The following TBX15 variants were observed in gnomAD, a reference collection of about 807,000 sequenced individuals.
The protein encoded by TBX15 is T-box transcription factor TBX15.
TBX15 carries 18 observed loss-of-function variants against 53.9 expected under a neutral mutation model. The ratio of observed to expected loss-of-function variants is 0.33; its 90% confidence interval spans 0.23 to 0.49. The LOEUF (loss-of-function observed/expected upper bound fraction) is 0.49. Among genes scored for constraint, TBX15 ranks in the 20% least tolerant of loss-of-function variants. The probability of loss-of-function intolerance (pLI) is 0.98; values close to 1 mark genes in which losing one functional copy is unlikely to be tolerated. For synonymous variants in TBX15, 295 were observed against 278.0 expected, an observed-to-expected ratio of 1.06 and a Z score of -0.61; for missense variants, 692 against 749.5, an observed-to-expected ratio of 0.92 and a Z score of 0.90.
chr1:118,966,267 C>T (rs889947285), intron 1 of TBX15, among the ~76,000 whole-genome samples: 3 of 152,176 alleles, frequency 2.0e-5, no homozygotes, highest in Non-Finnish European at 1.5e-5. Context: ...GGCCCATGAA[C>T]AGAAGAAGAT....
chr1:118,908,336 T>G (rs1277524953), intron 6 of TBX15, among the ~76,000 whole-genome samples: 1 of 150,950 alleles, frequency 6.6e-6, no homozygotes, highest in Non-Finnish European at 1.5e-5. Context: ...GGAGCTTATA[T>G]TCTAGTAGGG....
intron 6 of TBX15, among the ~76,000 whole-genome samples, chr1:118,901,235 T>C (rs1395838221): frequency 6.6e-6 from 1 of 152,182 alleles, no homozygotes; most frequent in Non-Finnish European, 1.5e-5. Flanking sequence ...TGCTGGCACC[T>C]GGTAGGGGCC....
At chr1:118,950,602 C>T (rs1656482896) in intron 1 of TBX15, among the ~76,000 whole-genome samples, 1 of 152,188 alleles carries the variant, frequency 6.6e-6, no homozygotes, top group Admixed American at 6.5e-5. Context: ...CCAGAAAAGC[C>T]TGTTGAAGTG....
At chr1:118,925,562 T>C (rs945696495) in intron 3 of TBX15, among the ~76,000 whole-genome samples, 15 of 152,234 alleles carry the variant, frequency 9.9e-5, no homozygotes, top group Admixed American at 2.6e-4. Flanking sequence ...AATTTTCTCA[T>C]AGCTCAGAAG....
At position 118,883,071 on chromosome 1, in the gene TBX15, G is replaced by A. The variant is rs1233542937; in HGVS notation, c.*1661C>T. 2 of 152,640 alleles carry A rather than the reference G, an allele frequency of 1.3e-5. No homozygotes were observed. Among genetic ancestry groups the A allele is most frequent in the Admixed American group, 6.5e-5 (1 of 15,288 alleles). The allele number at this position is 152,640 out of a possible 1,614,324, so 9.5% of individuals were successfully genotyped here. On this transcript the variant is annotated 3_prime_UTR_variant, in exon 8 of 8. Coordinates refer to ENST00000369429, the MANE Select transcript of TBX15 (RefSeq NM_001330677.2). The stretch of plus-strand genomic sequence containing the variant: ...AACAATTGCAAAGATTTTATTTAGC[G>A]GCTTTCTGTGCTTGGCACTTAGAAA...
intron 1 of TBX15, among the ~76,000 whole-genome samples, chr1:118,956,678 C>A (rs549058352): frequency 4.5e-4 from 69 of 152,126 alleles, no homozygotes; most frequent in African/African-American, 1.6e-3. Context: ...TCTGGCCGGG[C>A]GCAGTGGCTC....
chr1:118,974,520 T>C (rs1404081388), intron 1 of TBX15, among the ~76,000 whole-genome samples: 1 of 152,154 alleles, frequency 6.6e-6, no homozygotes, highest in Non-Finnish European at 1.5e-5. Flanking sequence ...GAGAGGAAGG[T>C]TACTTGGAGT....
rs531998391 is a variant in TBX15, at chr1:118,917,357, G to A, written c.862-3178C>T. On this transcript the variant is annotated intron_variant, in intron 5 of 7. Transcript: ENST00000369429. ...ACCACATGTTCTCTCTTATAAGTGG[G>A]AGCTGAATGATGAGAACACATAGAC... Among the ~76,000 whole-genome samples the A allele has an allele frequency of 2.0e-4, 31 of 152,240 alleles. No homozygotes were observed. The South Asian group carries it at 5.8e-3, about 29-fold the overall frequency.
intron 1 of TBX15, among the ~76,000 whole-genome samples, chr1:118,943,926 A>G (rs936484934): frequency 1.3e-5 from 2 of 152,134 alleles, no homozygotes; most frequent in African/African-American, 4.8e-5. Flanking sequence ...TAGAGAGAAC[A>G]AATGCACCCA....
At chr1:118,891,293 T>A (rs1237822672) in intron 7 of TBX15, among the ~76,000 whole-genome samples, 8 of 152,204 alleles carry the variant, frequency 5.3e-5, no homozygotes, top group Non-Finnish European at 8.8e-5. Flanking sequence ...GCTCTGAGTG[T>A]CTCCGCTTCT....
chr1:118,944,792 T>C (rs1286756537), intron 1 of TBX15, among the ~76,000 whole-genome samples: 1 of 152,214 alleles, frequency 6.6e-6, no homozygotes, highest in Admixed American at 6.5e-5. Flanking sequence ...TCTGTCATGA[T>C]GACCCAGCCT....
intron 1 of TBX15, among the ~76,000 whole-genome samples, chr1:118,943,131 A>G (rs1289897449): frequency 1.3e-5 from 2 of 152,216 alleles, no homozygotes; most frequent in African/African-American, 4.8e-5. Flanking sequence ...CCCCTGGCGC[A>G]CAATAGGAAT....
intron 6 of TBX15, among the ~76,000 whole-genome samples, chr1:118,908,762 TCA>T (rs375863799): frequency 1.7e-4 from 25 of 149,490 alleles, no homozygotes; most frequent in African/African-American, 3.9e-4. Flanking sequence ...TCTCTCTCTC[TCA>T]CACACACACA....
chr1:118,895,926 G>A (rs61806195), intron 7 of TBX15, among the ~76,000 whole-genome samples: 4,698 of 152,242 alleles, frequency 0.031, 77 homozygotes, highest in African/African-American at 0.033. Flanking sequence ...AGAGATCTGC[G>A]TTGGTACTCT....
intron 1 of TBX15, among the ~76,000 whole-genome samples, chr1:118,938,049 T>G (rs770837194): frequency 5.9e-5 from 9 of 152,170 alleles, no homozygotes; most frequent in African/African-American, 9.7e-5. Context: ...GACGAAATTT[T>G]TCATAGAGTA....
intron 7 of TBX15, among the ~76,000 whole-genome samples, chr1:118,891,139 G>A (rs1571147596): frequency 6.6e-6 from 1 of 152,192 alleles, no homozygotes; most frequent in Admixed American, 6.5e-5. Context: ...GTGCTAATAG[G>A]AATTGCGTGG....
At chr1:118,899,519 G>A (rs1654548651) in intron 6 of TBX15, among the ~76,000 whole-genome samples, 1 of 152,128 alleles carries the variant, frequency 6.6e-6, no homozygotes, top group Non-Finnish European at 1.5e-5. Flanking sequence ...TTACCACACT[G>A]CACTGACACA....
chr1:118,895,851 G>A (rs1654405205), intron 7 of TBX15, among the ~76,000 whole-genome samples: 1 of 152,172 alleles, frequency 6.6e-6, no homozygotes, highest in Non-Finnish European at 1.5e-5. Flanking sequence ...GAAAATTAAA[G>A]CTGTAGTAAG....
intron 7 of TBX15, among the ~76,000 whole-genome samples, chr1:118,893,299 AAGG>A (rs1654223869): frequency 2.2e-5 from 3 of 136,182 alleles, no homozygotes; most frequent in Middle Eastern, 3.5e-3. Context: ...GGAAGGAAGG[AAGG>A]AAGGAAGGAA....
Sources: gnomAD v4.1 joint callset for allele counts (sites outside exome capture counted in the v4.1 genomes callset) on GRCh38, gnomAD v4.1.1 for gene constraint, MANE v1.5 for transcripts, NCBI Gene and HGNC (gene_info 2026-07-23, HGNC 2026-07-21) for gene names.